DDX10: variants seen among roughly 807,000 people sequenced by gnomAD.
DDX10 encodes DEAD-box helicase 10.
Under a neutral mutation model 104.3 loss-of-function variants are expected in DDX10, and 74 were observed. That is an observed-to-expected ratio of 0.71 (90% CI 0.59 to 0.86). The LOEUF (loss-of-function observed/expected upper bound fraction) is 0.86, where lower values mean the gene tolerates loss of function less well. DDX10 is among the 40% of genes least tolerant of loss of function. The pLI, the probability that DDX10 is intolerant of heterozygous loss-of-function variation, is 0.00. For missense variants in DDX10, 952 were observed against 1,040.0 expected, an observed-to-expected ratio of 0.92 and a Z score of 1.16; for synonymous variants, 351 against 353.4, an observed-to-expected ratio of 0.99 and a Z score of 0.08.
At chr11:108,798,287 T>A (rs1449087800) in intron 13 of DDX10, among the ~76,000 whole-genome samples, 1 of 152,228 alleles carries the variant, frequency 6.6e-6, no homozygotes, top group East Asian at 1.9e-4. Context: ...TTCTGTTAAG[T>A]TTTGTAAAAC....
At chr11:108,905,647 A>G (rs912906329) in intron 16 of DDX10, among the ~76,000 whole-genome samples, 2 of 152,132 alleles carry the variant, frequency 1.3e-5, no homozygotes, top group South Asian at 2.1e-4. Context: ...TTTCTTATCA[A>G]TGAAGTCATC....
rs148261339 is a variant in DDX10, at chr11:108,858,870, T to C, written c.2304+6661T>C. Among the ~76,000 whole-genome samples, 494 of 152,298 alleles carry C rather than the reference T, an allele frequency of 3.2e-3. 1 individual carries two copies. The highest frequency in any genetic ancestry group is 0.011 in the African/African-American group (475 of 41,564). On this transcript the variant is annotated intron_variant, in intron 16 of 17. Transcript: ENST00000322536. ...AGGGATACTCTAGGGTAATTTGATATGTTGATTTTCACCTTGCCTGTCAGC... is the reference window on the plus strand; with the variant it reads ...AGGGATACTCTAGGGTAATTTGATACGTTGATTTTCACCTTGCCTGTCAGC...
chr11:108,875,264 C>T (rs1863137424), intron 16 of DDX10, among the ~76,000 whole-genome samples: 1 of 152,106 alleles, frequency 6.6e-6, no homozygotes, highest in Admixed American at 6.5e-5. Flanking sequence ...AGTTCTAATA[C>T]ATGTATTTTT....
At chr11:108,831,040 T>C (rs574965238) in intron 13 of DDX10, among the ~76,000 whole-genome samples, 1 of 152,316 alleles carries the variant, frequency 6.6e-6, no homozygotes, top group African/African-American at 2.4e-5. Flanking sequence ...AGTTTGGTTA[T>C]TTAGCCAATA....
chr11:108,796,855 AAAG>A (rs1861947904), intron 13 of DDX10, among the ~76,000 whole-genome samples: 2 of 152,118 alleles, frequency 1.3e-5, no homozygotes, highest in South Asian at 4.1e-4. Flanking sequence ...GTTTCCTAAA[AAAG>A]GACAAGTTTG....
At chr11:108,921,762 A>C (rs1863829914) in intron 17 of DDX10, 1 of 152,258 alleles carries the variant, frequency 6.6e-6, no homozygotes, top group South Asian at 2.1e-4. Flanking sequence ...GATCGAGACC[A>C]TCTGGCTAAC....
At chr11:108,840,649 A>G (rs912598618) in intron 14 of DDX10, among the ~76,000 whole-genome samples, 1 of 152,188 alleles carries the variant, frequency 6.6e-6, no homozygotes, top group Admixed American at 6.5e-5. Flanking sequence ...CTGTATGTGT[A>G]AAATATGTGG....
intron 13 of DDX10, among the ~76,000 whole-genome samples, chr11:108,741,698 G>A (rs1009143607): frequency 6.6e-6 from 1 of 152,090 alleles, no homozygotes; most frequent in Non-Finnish European, 1.5e-5. Context: ...GGAGCTTTTG[G>A]ACAGAGACTA....
At chr11:108,780,243 T>A (rs575431779) in intron 13 of DDX10, among the ~76,000 whole-genome samples, 2 of 152,198 alleles carry the variant, frequency 1.3e-5, no homozygotes, top group Non-Finnish European at 2.9e-5. Flanking sequence ...GAAACAGAGA[T>A]GAGTATGAAT....
intron 13 of DDX10, among the ~76,000 whole-genome samples, chr11:108,816,974 T>C (rs1375369173): frequency 6.6e-6 from 1 of 152,196 alleles, no homozygotes; most frequent in Non-Finnish European, 1.5e-5. Context: ...TGGTCAAAAC[T>C]TGCACAGTAA....
chr11:108,750,467 A>G (rs769356474), intron 13 of DDX10, among the ~76,000 whole-genome samples: 17 of 152,092 alleles, frequency 1.1e-4, no homozygotes, highest in Admixed American at 2.0e-4. Context: ...CTGTAAATCA[A>G]TTTCCCTTTT....
intron 13 of DDX10, among the ~76,000 whole-genome samples, chr11:108,805,141 A>G (rs1203739623): frequency 6.6e-6 from 1 of 152,206 alleles, no homozygotes; most frequent in Admixed American, 6.5e-5. Context: ...CAAATGGTAT[A>G]TTTTATTGCT....
intron 10 of DDX10, among the ~76,000 whole-genome samples, chr11:108,711,738 A>G (rs2094284732): frequency 6.6e-6 from 1 of 152,154 alleles, no homozygotes. Flanking sequence ...AATGTGTTTT[A>G]TTTTGGTGAA....
chr11:108,753,966 G>T (rs534467170), intron 13 of DDX10, among the ~76,000 whole-genome samples: 53 of 151,864 alleles, frequency 3.5e-4, no homozygotes, highest in Middle Eastern at 3.2e-3. Context: ...TTTATTATTG[G>T]CTGTCTTTTC....
intron 16 of DDX10, among the ~76,000 whole-genome samples, chr11:108,877,537 C>G (rs1863169151): frequency 6.6e-6 from 1 of 152,146 alleles, no homozygotes; most frequent in South Asian, 2.1e-4. Flanking sequence ...AATATTTGTA[C>G]AAATCAAGCT....
chr11:108,714,053 A>G (rs1289626538), intron 10 of DDX10, among the ~76,000 whole-genome samples: 1 of 152,226 alleles, frequency 6.6e-6, no homozygotes, highest in Non-Finnish European at 1.5e-5. Flanking sequence ...AAACTAGTTA[A>G]GAACAGAGTG....
intron 15 of DDX10, among the ~76,000 whole-genome samples, chr11:108,843,391 C>CTTTTTTT (rs71050891): frequency 1.5e-5 from 2 of 137,744 alleles, no homozygotes; most frequent in African/African-American, 2.7e-5. Flanking sequence ...CTTGCACATC[C>CTTTTTTT]TTTTTTTTTT....
chr11:108,814,616 C>A (rs1862229387), intron 13 of DDX10, among the ~76,000 whole-genome samples: 1 of 152,052 alleles, frequency 6.6e-6, no homozygotes, highest in Admixed American at 6.5e-5. Context: ...CTGCTTCATA[C>A]AATCTTGAGC....
chr11:108,762,384 A>G (rs1425292800), intron 13 of DDX10, among the ~76,000 whole-genome samples: 4 of 152,338 alleles, frequency 2.6e-5, no homozygotes, highest in African/African-American at 9.6e-5. Flanking sequence ...AACAAAGCAC[A>G]CACCAGGGAC....
Sources: gnomAD v4.1 joint callset for allele counts (sites outside exome capture counted in the v4.1 genomes callset) on GRCh38, gnomAD v4.1.1 for gene constraint, MANE v1.5 for transcripts, NCBI Gene and HGNC (gene_info 2026-07-23, HGNC 2026-07-21) for gene names.